FBN2: variants seen among roughly 807,000 people sequenced by gnomAD.
The protein encoded by FBN2 is fibrillin-2.
A neutral mutation model predicts 355.6 loss-of-function variants in FBN2; 105 were observed. The observed-to-expected ratio is 0.30, with a 90% confidence interval of 0.25 to 0.35. The LOEUF (loss-of-function observed/expected upper bound fraction) is 0.35, where lower values mean the gene tolerates loss of function less well. Ranked by LOEUF, FBN2 falls within the 10% of genes least tolerant of loss-of-function variation. FBN2 has a pLI of 1.00. For synonymous variants in FBN2, 1,350 were observed against 1,301.2 expected (o/e 1.04, Z -0.81); for missense variants, 3,280 against 3,758.7 (o/e 0.87, Z 3.33).
chr5:128,416,722 T>A (rs1403583179), intron 7 of FBN2, among the ~76,000 whole-genome samples: 1 of 152,168 alleles, frequency 6.6e-6, no homozygotes, highest in Non-Finnish European at 1.5e-5. Flanking sequence ...AATAGGAGGA[T>A]TTATTTCTGG....
At chr5:128,326,753 G>T (rs1234902679) in intron 34 of FBN2, among the ~76,000 whole-genome samples, 8 of 152,032 alleles carry the variant, frequency 5.3e-5, no homozygotes, top group African/African-American at 1.9e-4. Flanking sequence ...TGGAGCAGAG[G>T]GTCCAACTGA....
In FBN2 at chr5:128,267,258, T is replaced by C. The variant is rs528142959; in HGVS notation, c.7961-3602A>G. Among the ~76,000 whole-genome samples, 3 of 152,320 alleles carry C rather than the reference T, an allele frequency of 2.0e-5. No individual in the cohort carries two copies. In the South Asian group the frequency reaches 6.2e-4, roughly 32 times the overall value. On this transcript the variant is annotated intron_variant, in intron 62 of 64. Coordinates refer to ENST00000262464, the MANE Select transcript of FBN2 (RefSeq NM_001999.4). Reference sequence around the variant, plus strand: ...TGGGTTGGTTCCAAGACTTTGCTATTGTAAATAGTGCTGCAGTAAACATAC... The same window carrying C: ...TGGGTTGGTTCCAAGACTTTGCTATCGTAAATAGTGCTGCAGTAAACATAC...
intron 50 of FBN2, 98 bp downstream of exon 50, chr5:128,290,634 A>T: frequency 8.2e-7 from 1 of 1,223,126 alleles, no homozygotes; most frequent in Non-Finnish European, 1.2e-6. Context: ...AGATGATTTC[A>T]CTCTCAAAAT....
chr5:128,519,351 A>G lies in FBN2; in HGVS notation c.550T>C (p.Cys184Arg). 2 of 1,613,940 alleles carry G rather than the reference A, an allele frequency of 1.2e-6. No individual in the cohort carries two copies. Among genetic ancestry groups the G allele is most frequent in the Non-Finnish European group, 1.7e-6 (2 of 1,179,902 alleles). ...YCGQPVCENGCQNGGRCIGPN... is the reference protein window; with the variant it reads ...YCGQPVCENGRQNGGRCIGPN... ...CCGATGCAACGTCCACCATTCTGAC[A>G]TCCATTTTCACAGACAGCTGCATAC... Residue 184 changes from cysteine (C) to arginine (R), a missense_variant, in exon 5 of 65, where the codon TGT becomes CGT. Cys to Arg is a radical substitution (Grantham distance 180). Transcript: ENST00000262464.
intron 7 of FBN2, among the ~76,000 whole-genome samples, chr5:128,419,191 C>T (rs1443836786): frequency 6.6e-6 from 1 of 152,208 alleles, no homozygotes; most frequent in Non-Finnish European, 1.5e-5. Flanking sequence ...TACACCATAG[C>T]CACTTTAGTG....
chr5:128,504,598 C>T (rs1025667480), intron 5 of FBN2, among the ~76,000 whole-genome samples: 5 of 152,130 alleles, frequency 3.3e-5, no homozygotes, highest in African/African-American at 1.2e-4. Flanking sequence ...GGCTTGTAGC[C>T]CCTTTGTTTT....
chr5:128,501,442 C>T (rs763691933), intron 5 of FBN2, among the ~76,000 whole-genome samples: 10 of 152,032 alleles, frequency 6.6e-5, no homozygotes. Context: ...TTCATCTATA[C>T]CAAATTAATG....
At position 128,328,778 on chromosome 5, in the gene FBN2, T is replaced by C. The variant is rs1488171769; in HGVS notation, c.4389A>G (p.Gly1463=). ...ATGCACCCGGGACATTAAGGCACTG[T>C]CCGTTCTCACAGAGGTTTATGTTTT... ...CAENINLCEN[G]QCLNVPGAYR... The change falls in exon 34 of 65, where the codon GGA becomes GGG. Residue 1463 remains glycine, a synonymous_variant. Coordinates refer to ENST00000262464, the MANE Select transcript of FBN2 (RefSeq NM_001999.4). 1.2e-6 allele frequency: 2 copies of C among 1,614,162 alleles called. No individual in the cohort carries two copies. Among genetic ancestry groups the C allele is most frequent in the East Asian group, 2.2e-5 (1 of 44,882 alleles).
At chr5:128,414,249 C>T (rs994997440) in intron 7 of FBN2, among the ~76,000 whole-genome samples, 1 of 152,142 alleles carries the variant, frequency 6.6e-6, no homozygotes, top group Non-Finnish European at 1.5e-5. Context: ...TTTCATCCCC[C>T]CCCAAGGAAA....
At chr5:128,366,325 C>T (rs1751765809) in intron 17 of FBN2, 52 bp downstream of exon 17, 12 of 922,812 alleles carry the variant, frequency 1.3e-5, no homozygotes, top group Non-Finnish European at 1.9e-5. Context: ...AATTATAAAG[C>T]TATACGATTA....
intron 62 of FBN2, among the ~76,000 whole-genome samples, chr5:128,270,966 A>C (rs940194679): frequency 6.6e-6 from 1 of 152,092 alleles, no homozygotes; most frequent in Non-Finnish European, 1.5e-5. Context: ...TTGATCACTT[A>C]TTGGTTTCTG....
At chr5:128,303,595 T>A (rs1307630920) in intron 45 of FBN2, among the ~76,000 whole-genome samples, 1 of 152,144 alleles carries the variant, frequency 6.6e-6, no homozygotes, top group African/African-American at 2.4e-5. Context: ...AAAAACTGAA[T>A]TAAGAAAATA....
At chr5:128,311,181 C>G in intron 39 of FBN2, 119 bp downstream of exon 39, 1 of 1,025,856 alleles carries the variant, frequency 9.7e-7, no homozygotes, top group Admixed American at 2.0e-5. Context: ...AAAAAAAAAG[C>G]TATGAACCAA....
chr5:128,451,262 T>G (rs1191744976), intron 6 of FBN2, among the ~76,000 whole-genome samples: 1 of 152,192 alleles, frequency 6.6e-6, no homozygotes, highest in Non-Finnish European at 1.5e-5. Context: ...TGTACTGAAT[T>G]AAAGTAGATT....
chr5:128,346,720 C>T (rs1319862510), intron 23 of FBN2, among the ~76,000 whole-genome samples: 1 of 152,090 alleles, frequency 6.6e-6, no homozygotes, highest in Non-Finnish European at 1.5e-5. Context: ...AGCTGGATCA[C>T]CTGAGGTCAG....
Position 128,328,704 on chromosome 5 carries a change from G to A in FBN2, c.4463C>T (p.Ser1488Phe). The A allele has an allele frequency of 1.2e-6, 2 of 1,614,082 alleles. No individual in the cohort carries two copies. Among genetic ancestry groups the A allele is most frequent in the South Asian group, 2.2e-5 (2 of 91,074 alleles). The stretch of plus-strand genomic sequence containing the variant: ...GAATCCTGGTGACCCACCTTGGCAG[G>A]ATCTGCTGTCTGAGGCTGGAGTGAA... ...MGFTPASDSR[S>F]CQDIDECSFQ... is the part of the protein sequence containing the mutation. Residue 1488 changes from serine to phenylalanine, a missense_variant, in exon 34 of 65, where the codon TCC becomes TTC. This residue lies in a region of FBN2 where 2,284 missense variants were observed against 2,749.5 expected (regional missense o/e 0.83). Coordinates refer to ENST00000262464, the MANE Select transcript of FBN2 (RefSeq NM_001999.4).
chr5:128,456,338 G>T (rs331067), intron 6 of FBN2, among the ~76,000 whole-genome samples: 1 of 152,084 alleles, frequency 6.6e-6, no homozygotes, highest in Non-Finnish European at 1.5e-5. Flanking sequence ...CTGCAGTCTC[G>T]GGATCAGCAG....
rs1273298003 is a variant in FBN2, at chr5:128,334,696, G to A, written c.4099+23C>T. ...TTGACATCTGAGAAGTTGAAATACA[G>A]AGAACACAAGCTTGAAACCTACCTG... On this transcript the variant is annotated intron_variant, in intron 31 of 64. Coordinates refer to ENST00000262464, the MANE Select transcript of FBN2 (RefSeq NM_001999.4). The A allele has an allele frequency of 1.9e-6, 3 of 1,613,634 alleles. No individual in the cohort carries two copies. The East Asian group carries it at 6.7e-5, about 36-fold the overall frequency.
intron 4 of FBN2, among the ~76,000 whole-genome samples, chr5:128,524,444 G>T (rs149441022): frequency 6.6e-6 from 1 of 152,104 alleles, no homozygotes; most frequent in African/African-American, 2.4e-5. Context: ...TGTGGCCAGG[G>T]TATTATCTTA....
Sources: gnomAD v4.1 joint callset for allele counts (sites outside exome capture counted in the v4.1 genomes callset) on GRCh38, gnomAD v4.1.1 for gene constraint, gnomAD v4.1.1 regional missense constraint, MANE v1.5 for transcripts, NCBI Gene and HGNC (gene_info 2026-07-23, HGNC 2026-07-21) for gene names.